The following DCAF6 variants were observed in gnomAD, a reference collection of about 807,000 sequenced individuals.
DCAF6 encodes DDB1- and CUL4-associated factor 6.
Under a neutral mutation model 125.1 loss-of-function variants are expected in DCAF6, and 54 were observed. The ratio of observed to expected loss-of-function variants is 0.43; its 90% CI spans 0.35 to 0.54. DCAF6 has a LOEUF of 0.54. DCAF6 is among the 20% of genes least tolerant of loss of function. The pLI is 0.01. For synonymous variants in DCAF6, 371 were observed against 390.4 expected (o/e 0.95, Z 0.58); for missense variants, 934 against 1,161.7 (o/e 0.80, Z 2.85).
intron 21 of DCAF6, among the ~76,000 whole-genome samples, chr1:168,070,463 T>TC (rs1692888822): frequency 6.6e-6 from 1 of 152,168 alleles, no homozygotes. Flanking sequence ...CATCCATTAC[T>TC]CCAGAAGGCT....
At chr1:167,916,288 C>A in the DCAF6 span, among the ~76,000 whole-genome samples, 18 of 152,318 alleles carry the variant, frequency 1.2e-4, no homozygotes, top group Non-Finnish European at 2.6e-4. Flanking sequence ...CTCACTGCAA[C>A]CTCCGCCTCC....
Position 167,936,849 on chromosome 1 carries a change from C to T in DCAF6, c.-63C>T, listed in dbSNP as rs954293604. ...GCGGCTCGGGTGTTGAAACGGGTGT[C>T]CCCTCCCCCTCCTCCCCTCCCCCAC... is the stretch of plus-strand genomic sequence containing the variant. On this transcript the variant is annotated 5_prime_UTR_variant, in exon 1 of 22. Coordinates refer to ENST00000367840, the MANE Select transcript of DCAF6 (RefSeq NM_001198956.2). 2.2e-6 allele frequency: 3 copies of T among 1,353,808 alleles called. No homozygotes were observed. The highest frequency in any genetic ancestry group is 2.5e-5 in the South Asian group (2 of 79,706). The allele number at this position is 1,353,808 out of a possible 1,614,324, so 83.9% of individuals were successfully genotyped here.
rs559540838 is a variant in DCAF6 at position 167,956,359 on chromosome 1, C to T, written c.159+4498C>T. On this transcript the variant is annotated intron_variant, in intron 2 of 21. Coordinates refer to ENST00000367840, the MANE Select transcript of DCAF6 (RefSeq NM_001198956.2). ...TTGAATTTATTGACATAAAATTGTT[C>T]ATAATATTCCCTTATGTTTTTAAGT... Among the ~76,000 whole-genome samples the T allele has an allele frequency of 2.6e-5, 4 of 152,182 alleles. No homozygotes were observed. In the East Asian group the frequency reaches 5.8e-4, roughly 22 times the overall value.
chr1:167,991,738 A>G (rs974344763), intron 6 of DCAF6, among the ~76,000 whole-genome samples: 3 of 152,158 alleles, frequency 2.0e-5, no homozygotes, highest in African/African-American at 7.2e-5. Flanking sequence ...AATCCTTGGC[A>G]TCCCCTTGGT....
the DCAF6 span, chr1:167,905,241 T>C: frequency 7.3e-7 from 1 of 1,372,822 alleles, no homozygotes; most frequent in South Asian, 1.2e-5. Context: ...TATATTCATT[T>C]GCTCATTTTC....
chr1:168,027,686 G>A (rs915253900), intron 12 of DCAF6, among the ~76,000 whole-genome samples: 1 of 151,952 alleles, frequency 6.6e-6, no homozygotes, highest in African/African-American at 2.4e-5. Context: ...GATTACCAAG[G>A]ACAAAAATGT....
At chr1:167,989,860 C>CAA (rs778642156) in intron 5 of DCAF6, among the ~76,000 whole-genome samples, 2 of 125,634 alleles carry the variant, frequency 1.6e-5, no homozygotes, top group African/African-American at 2.9e-5. Flanking sequence ...AATTCTATCT[C>CAA]AAAAAAAAAA....
At chr1:168,044,877 C>T in intron 15 of DCAF6, 23 bp from the exon 16 acceptor site, 1 of 1,608,200 alleles carries the variant, frequency 6.2e-7, no homozygotes, top group Non-Finnish European at 8.5e-7. Context: ...CCACCTGTTA[C>T]ATACAACTTT....
At chr1:167,889,162 G>A in the DCAF6 span, among the ~76,000 whole-genome samples, 2 of 152,164 alleles carry the variant, frequency 1.3e-5, no homozygotes, top group South Asian at 4.1e-4. Flanking sequence ...AGATCTTAGA[G>A]GAAGGGCTTT....
At chr1:168,031,673 G>A (rs1687108361) in intron 12 of DCAF6, among the ~76,000 whole-genome samples, 4 of 152,016 alleles carry the variant, frequency 2.6e-5, no homozygotes, top group African/African-American at 4.8e-5. Context: ...CAAAATGAGA[G>A]TGTTATTTAT....
At chr1:167,901,684 G>A in the DCAF6 span, 1 of 1,614,044 alleles carries the variant, frequency 6.2e-7, no homozygotes, top group Non-Finnish European at 8.5e-7. Context: ...GGATGTCTAG[G>A]CCTTCTTCCC....
intron 17 of DCAF6, among the ~76,000 whole-genome samples, chr1:168,052,660 T>C (rs1191949886): frequency 2.0e-5 from 3 of 152,246 alleles, no homozygotes; most frequent in Admixed American, 6.5e-5. Flanking sequence ...CTGCCCGTTA[T>C]GACTAGTCTT....
chr1:167,878,712 C>A, the DCAF6 span: 1 of 1,447,184 alleles, frequency 6.9e-7, no homozygotes, highest in African/African-American at 1.4e-5. Flanking sequence ...ACATTGTCCC[C>A]AAATAGCATT....
rs572625028 is a variant in DCAF6, at chr1:168,042,334, CTT to C, written c.1728-690_1728-689del. On this transcript the variant is annotated intron_variant, in intron 13 of 21. Transcript: ENST00000367840. ...CATGTCCTCTTTCTCATTCAGTCCT[CTT>C]GTTACACATATGCCATGATTTGTCA... Among the ~76,000 whole-genome samples, 5 of 152,112 alleles carry C rather than the reference CTT, an allele frequency of 3.3e-5. No homozygotes were observed. The East Asian group carries it at 9.6e-4, about 29-fold the overall frequency.
chr1:167,973,517 A>G (rs914277172), intron 3 of DCAF6, among the ~76,000 whole-genome samples: 16 of 152,086 alleles, frequency 1.1e-4, no homozygotes, highest in Admixed American at 8.5e-4. Context: ...TTAAATTGTC[A>G]TTTCTTCTAC....
chr1:167,956,431 AT>A (rs1348238006), intron 2 of DCAF6, among the ~76,000 whole-genome samples: 1 of 152,090 alleles, frequency 6.6e-6, no homozygotes, highest in Non-Finnish European at 1.5e-5. Context: ...CATTACTGAT[AT>A]TGGTAATATT....
the DCAF6 span, among the ~76,000 whole-genome samples, chr1:167,884,421 G>C: frequency 1.3e-5 from 2 of 152,056 alleles, no homozygotes; most frequent in Admixed American, 1.3e-4. Flanking sequence ...CCACCCCTAT[G>C]ATCCAATCAC....
chr1:167,901,922 C>G, the DCAF6 span: 3 of 1,605,944 alleles, frequency 1.9e-6, no homozygotes, highest in South Asian at 2.2e-5. Context: ...CCTGGCCACT[C>G]CCTTCTCTAG....
chr1:167,907,739 G>C, the DCAF6 span, among the ~76,000 whole-genome samples: 6 of 152,204 alleles, frequency 3.9e-5, no homozygotes, highest in Non-Finnish European at 8.8e-5. Flanking sequence ...TATTTTGGAA[G>C]AGTTATTAAA....
Sources: allele counts gnomAD v4.1 joint callset (sites outside exome capture counted in the v4.1 genomes callset), GRCh38; gene constraint gnomAD v4.1.1; transcripts MANE v1.5; gene names NCBI Gene and HGNC (gene_info 2026-07-23, HGNC 2026-07-21).